The following MARK3 variants were observed in gnomAD, a reference collection of about 807,000 sequenced individuals.
The protein encoded by MARK3 is microtubule affinity regulating kinase 3, also known as MAP/microtubule affinity-regulating kinase 3.
Under a neutral mutation model 90.1 loss-of-function variants are expected in MARK3, and 46 were observed. The observed-to-expected ratio is 0.51, with a 90% CI of 0.40 to 0.65. The LOEUF is 0.65. Among genes scored for constraint, MARK3 ranks in the 30% least tolerant of loss-of-function variants. The pLI, the probability that MARK3 is intolerant of heterozygous loss-of-function variation, is 0.00. For missense variants in MARK3, 818 were observed against 947.2 expected (o/e 0.86, Z 1.79); for synonymous variants, 321 against 332.6 (o/e 0.97, Z 0.38).
intron 15 of MARK3, among the ~76,000 whole-genome samples, chr14:103,495,454 T>TG (rs11376611): frequency 0.99 from 149,634 of 151,526 alleles, 73,921 homozygotes; most frequent in East Asian, 1. Context: ...CACTCCAGCC[T>TG]GGCGACAGAT....
In MARK3 at chr14:103,465,976, TGAGA is replaced by T. The variant is rs781106792; in HGVS notation, c.790_793del (p.Arg264TyrfsTer2). ...TTCCTCTGTACCTCTCCAAAGGAAC[TGAGA>T]GAGAGAGTATTAAGAGGGAAATACA... is the stretch of plus-strand genomic sequence containing the variant. On this transcript the variant is annotated frameshift_variant, in exon 9 of 18. Coordinates refer to ENST00000429436, the MANE Select transcript of MARK3 (RefSeq NM_001128918.3). LOFTEE classifies it high-confidence loss of function. 6.2e-7 allele frequency: 1 copy of T among 1,612,482 alleles called. No homozygotes were observed. The highest frequency in any genetic ancestry group is 8.5e-7 in the Non-Finnish European group (1 of 1,179,482).
chr14:103,500,458 G>C (rs71417865), intron 17 of MARK3, among the ~76,000 whole-genome samples: 1 of 152,196 alleles, frequency 6.6e-6, no homozygotes, highest in Non-Finnish European at 1.5e-5. Context: ...ACAGCCTTTG[G>C]AGGTCTGGGT....
chr14:103,416,237 A>G (rs559887780), intron 2 of MARK3, among the ~76,000 whole-genome samples: 1 of 152,374 alleles, frequency 6.6e-6, no homozygotes, highest in South Asian at 2.1e-4. Context: ...ATCGGTGAGT[A>G]TAAATTAGAG....
chr14:103,430,477 A>G (rs1300468685), intron 3 of MARK3, among the ~76,000 whole-genome samples: 1 of 145,996 alleles, frequency 6.8e-6, no homozygotes, highest in Non-Finnish European at 1.5e-5. Flanking sequence ...TCTCAGCACC[A>G]TTCATAGTTG....
Position 103,486,517 on chromosome 14 carries a change from TAAAA to T in MARK3, c.1587-5256_1587-5253del, listed in dbSNP as rs1171605982. Among the ~76,000 whole-genome samples the T allele has an allele frequency of 2.0e-5, 3 of 152,158 alleles. 1 individual carries two copies. The highest frequency in any genetic ancestry group is 4.4e-5 in the Non-Finnish European group (3 of 68,030). ...AACTTTAAAAAAATTTTTTAATTAT[TAAAA>T]AAATGTAATGCTGCTACTGTTTTGC... On this transcript the variant is annotated intron_variant, in intron 14 of 17. Transcript: ENST00000429436.
At chr14:103,453,977 C>G (rs1384078113) in intron 5 of MARK3, among the ~76,000 whole-genome samples, 1 of 152,230 alleles carries the variant, frequency 6.6e-6, no homozygotes, top group Non-Finnish European at 1.5e-5. Context: ...TCTGTTTTAG[C>G]TACCCAGGTC....
At position 103,400,943 on chromosome 14, in the gene MARK3, TTGTGTGTGTGTG is replaced by T. The variant is rs61635275; in HGVS notation, c.52-4105_52-4094del. Among the ~76,000 whole-genome samples the T allele has an allele frequency of 3.1e-3, 378 of 123,568 alleles. 3 individuals carry two copies. Among genetic ancestry groups the T allele is most frequent in the Middle Eastern group, 0.017 (4 of 242 alleles). The allele number at this position is 123,568 out of a possible 152,430, so 81.1% of individuals were successfully genotyped here. On this transcript the variant is annotated intron_variant, in intron 1 of 17. Coordinates refer to ENST00000429436, the MANE Select transcript of MARK3 (RefSeq NM_001128918.3). ...AGTTATCAAAGAATTATATAACATTTTGTGTGTGTGTGTGTGTGTGTGTGTGTGTGTGTGTGT... is the reference window on the plus strand; with the variant it reads ...AGTTATCAAAGAATTATATAACATTTTGTGTGTGTGTGTGTGTGTGTGTGT...
At chr14:103,500,985 C>T (rs1226503900) in intron 17 of MARK3, among the ~76,000 whole-genome samples, 1 of 152,148 alleles carries the variant, frequency 6.6e-6, no homozygotes, top group Non-Finnish European at 1.5e-5. Context: ...ACCAGGTAGC[C>T]TTAGGACTCT....
intron 15 of MARK3, among the ~76,000 whole-genome samples, chr14:103,496,166 G>A (rs181065725): frequency 6.6e-6 from 1 of 152,382 alleles, no homozygotes; most frequent in African/African-American, 2.4e-5. Flanking sequence ...GCCATGGGCA[G>A]TGTGAAGGCC....
In MARK3 at chr14:103,502,864, T is replaced by G. The variant is rs1173979043; in HGVS notation, c.1917-18T>G. The G allele has an allele frequency of 1.9e-6, 3 of 1,585,632 alleles. No homozygotes were observed. The Admixed American group carries it at 5.3e-5, about 28-fold the overall frequency. ...TTTCCTGTACGATTAAAAATAAACC[T>G]GCCTCTATGCATTTCAGTCGCAATG... On this transcript the variant is annotated intron_variant, in intron 17 of 17. Transcript: ENST00000429436.
At chr14:103,425,906 G>A (rs545399454) in intron 2 of MARK3, among the ~76,000 whole-genome samples, 1 of 152,300 alleles carries the variant, frequency 6.6e-6, no homozygotes, top group East Asian at 1.9e-4. Flanking sequence ...GGAGGTTATA[G>A]ACTCATAGGG....
intron 3 of MARK3, among the ~76,000 whole-genome samples, chr14:103,446,101 T>C (rs536616016): frequency 6.6e-6 from 1 of 152,272 alleles, no homozygotes; most frequent in South Asian, 2.1e-4. Context: ...TCTTCATAGC[T>C]TGAAAGACAT....
chr14:103,393,986 G>A (rs563217502), intron 1 of MARK3, among the ~76,000 whole-genome samples: 2 of 152,232 alleles, frequency 1.3e-5, no homozygotes, highest in Middle Eastern at 3.4e-3. Flanking sequence ...CGCCTGCCTT[G>A]GCCTCCCAAA....
In MARK3 at chr14:103,475,013, G is replaced by C. The variant is rs1407739610; in HGVS notation, c.1285G>C (p.Val429Leu). 2 of 1,613,878 alleles carry C rather than the reference G, an allele frequency of 1.2e-6. No homozygotes were observed. The highest frequency in any genetic ancestry group is 1.7e-6 in the Non-Finnish European group (2 of 1,179,774). The change falls in exon 13 of 18, where the codon GTT (valine) becomes CTT (leucine). Residue 429 changes from valine to leucine, a missense_variant. Val to Leu is a conservative substitution (Grantham distance 32). Transcript: ENST00000429436. ...SDHAGPAIPS[V>L]VAYPKRSQTS... ...TTTAGCTGGACCAGCTATTCCTTCT[G>C]TTGTGGCGTATCCGAAAAGGAGTCA...
chr14:103,393,976 C>T (rs546507055), intron 1 of MARK3, among the ~76,000 whole-genome samples: 28 of 152,138 alleles, frequency 1.8e-4, no homozygotes, highest in Admixed American at 5.2e-4. Context: ...TTGGGTTATC[C>T]GCCTGCCTTG....
intron 3 of MARK3, among the ~76,000 whole-genome samples, chr14:103,435,145 G>GC (rs2092683653): frequency 6.6e-6 from 1 of 152,200 alleles, no homozygotes; most frequent in Non-Finnish European, 1.5e-5. Flanking sequence ...TTTTACTGCT[G>GC]CCACCACTGG....
chr14:103,420,166 G>GA (rs1294935918), intron 2 of MARK3, among the ~76,000 whole-genome samples: 2 of 152,058 alleles, frequency 1.3e-5, no homozygotes, highest in Admixed American at 6.6e-5. Context: ...TAATGTGCAG[G>GA]AAAAAAGCTC....
In MARK3 at chr14:103,448,949, T is replaced by C. The variant is rs912927386; in HGVS notation, c.328T>C (p.Leu110=). The change falls in exon 4 of 18, where the codon TTA becomes CTA. Residue 110 remains leucine (L), a synonymous_variant. Coordinates refer to ENST00000429436, the MANE Select transcript of MARK3 (RefSeq NM_001128918.3). The stretch of plus-strand genomic sequence containing the variant: ...CAGAGAAGTAAGAATAATGAAGATT[T>C]TAAATCATCCCAATATAGGTACTTT... ...LFREVRIMKI[L]NHPNIVKLFE... is the part of the protein sequence containing the mutation. 1.3e-6 allele frequency: 2 copies of C among 1,570,914 alleles called. No homozygotes were observed. The highest frequency in any genetic ancestry group is 1.9e-5 in the Admixed American group (1 of 53,816).
In MARK3 at chr14:103,465,886, G is replaced by A. The variant is rs2093492696; in HGVS notation, c.778-86G>A. The A allele has an allele frequency of 2.6e-6, 4 of 1,548,014 alleles. No individual in the cohort carries two copies. In the Admixed American group the frequency reaches 5.7e-5, roughly 22 times the overall value. On this transcript the variant is annotated intron_variant, in intron 8 of 17. Transcript: ENST00000429436. ...ATTTTTAACATTATATCAGTGCGGGGGGTTTCAGGGGGTTTTTTGTTGTGT... is the reference window on the plus strand; with the variant it reads ...ATTTTTAACATTATATCAGTGCGGGAGGTTTCAGGGGGTTTTTTGTTGTGT...
Sources: allele counts gnomAD v4.1 joint callset (sites outside exome capture counted in the v4.1 genomes callset), GRCh38; gene constraint gnomAD v4.1.1; transcripts MANE v1.5; gene names NCBI Gene and HGNC (gene_info 2026-07-23, HGNC 2026-07-21).